GRK5: variants seen among roughly 807,000 people sequenced by gnomAD.
GRK5 encodes g protein-coupled receptor kinase GRK5.
Under a neutral mutation model 78.4 loss-of-function variants are expected in GRK5, and 40 were observed. That is an observed-to-expected ratio of 0.51 (90% confidence interval 0.40 to 0.66). The LOEUF (loss-of-function observed/expected upper bound fraction) is 0.66, where lower values mean the gene tolerates loss of function less well. GRK5 is among the 30% of genes least tolerant of loss of function. GRK5 has a pLI of 0.00. For missense variants in GRK5, 598 were observed against 759.9 expected (o/e 0.79, Z 2.50); for synonymous variants, 289 against 296.8 (o/e 0.97, Z 0.27).
chr10:119,394,294 C>CCGTGTATCTATGTGTGGGTGCG (rs1564916955), intron 3 of GRK5, among the ~76,000 whole-genome samples: 4 of 4,036 alleles, frequency 9.9e-4, no homozygotes, highest in African/African-American at 3.4e-3. Context: ...GGGTGTGTAT[C>CCGTGTATCTATGTGTGGGTGCG]TGTGTGTCTG....
In GRK5 at chr10:119,404,614, A is replaced by C. The variant is rs957094714; in HGVS notation, c.339+7842A>C. On this transcript the variant is annotated intron_variant, in intron 4 of 15. Coordinates refer to ENST00000392870, the MANE Select transcript of GRK5 (RefSeq NM_005308.3). ...AGAAGGCCTCAGTTTTTGAAGGGAAAGGGTGTGTATGGAAACAAAGTAAAG... is the reference window on the plus strand; with the variant it reads ...AGAAGGCCTCAGTTTTTGAAGGGAACGGGTGTGTATGGAAACAAAGTAAAG... Among the ~76,000 whole-genome samples the C allele has an allele frequency of 3.3e-5, 5 of 152,224 alleles. No homozygotes were observed. In the South Asian group the frequency reaches 6.2e-4, roughly 19 times the overall value.
At chr10:119,408,843 G>A (rs1019451369) in intron 4 of GRK5, among the ~76,000 whole-genome samples, 12 of 152,208 alleles carry the variant, frequency 7.9e-5, no homozygotes, top group African/African-American at 2.7e-4. Flanking sequence ...TTGAAATGGT[G>A]AAGTTTATGC....
chr10:119,453,905 G>A (rs1244451957), intron 15 of GRK5, among the ~76,000 whole-genome samples: 1 of 152,170 alleles, frequency 6.6e-6, no homozygotes, highest in Non-Finnish European at 1.5e-5. Flanking sequence ...CTGGCCCTGG[G>A]TAAGGGTTGG....
chr10:119,384,254 A>G (rs1197356715), intron 3 of GRK5, among the ~76,000 whole-genome samples: 1 of 151,662 alleles, frequency 6.6e-6, no homozygotes, highest in Non-Finnish European at 1.5e-5. Context: ...GGCCCTCCCG[A>G]TCTCCCTCTT....
intron 1 of GRK5, among the ~76,000 whole-genome samples, chr10:119,233,715 A>G (rs1343553605): frequency 6.6e-6 from 1 of 152,180 alleles, no homozygotes; most frequent in Non-Finnish European, 1.5e-5. Flanking sequence ...ACAGCAGGCC[A>G]GAGACATGGG....
intron 1 of GRK5, among the ~76,000 whole-genome samples, chr10:119,280,408 C>T (rs529119410): frequency 2.6e-5 from 4 of 152,246 alleles, no homozygotes; most frequent in Admixed American, 6.5e-5. Flanking sequence ...ACGTGAATGT[C>T]GGCTCTCCAG....
chr10:119,333,298 A>T (rs1396786393), intron 2 of GRK5: 1 of 154,184 alleles, frequency 6.5e-6, no homozygotes, highest in African/African-American at 2.4e-5. Context: ...CACCATCCTC[A>T]CCATCTGGAT....
intron 1 of GRK5, among the ~76,000 whole-genome samples, chr10:119,325,500 C>G (rs1047961530): frequency 1.3e-5 from 2 of 152,062 alleles, no homozygotes; most frequent in Non-Finnish European, 2.9e-5. Context: ...AGCAGACGAG[C>G]TACATAAAAT....
In GRK5 at chr10:119,458,902, AAAG is replaced by A. The variant is rs1483932142; in HGVS notation, c.*3836_*3838del. 6.6e-6 allele frequency: 1 copy of A among 152,132 alleles called. No individual in the cohort carries two copies. The highest frequency in any genetic ancestry group is 2.4e-5 in the African/African-American group (1 of 41,414). The allele number at this position is 152,132 out of a possible 1,614,324, so 9.4% of individuals were successfully genotyped here. A position where few individuals can be genotyped will look rare whatever the true frequency, so the allele number is the denominator to read the frequency against. On this transcript the variant is annotated 3_prime_UTR_variant, in exon 16 of 16. Coordinates refer to ENST00000392870, the MANE Select transcript of GRK5 (RefSeq NM_005308.3). Reference sequence around the variant, plus strand: ...TGAGCCTGGCATCCCAGGCCTTGCCAAAGGGGACGGTGGCTTCCTGGATAATTG... The same window carrying A: ...TGAGCCTGGCATCCCAGGCCTTGCCAGGGACGGTGGCTTCCTGGATAATTG...
Position 119,354,205 on chromosome 10 carries a change from A to G in GRK5, c.149-26610A>G, listed in dbSNP as rs796104742. Reference sequence around the variant, plus strand: ...TTGCTACAGTCAAGCAAATTAATACATGCATCACCTCTCATAGTTACCTTT... The same window carrying G: ...TTGCTACAGTCAAGCAAATTAATACGTGCATCACCTCTCATAGTTACCTTT... On this transcript the variant is annotated intron_variant, in intron 2 of 15. Transcript: ENST00000392870. 4.6e-5 allele frequency among the ~76,000 whole-genome samples: 7 copies of G among 151,998 alleles called. 1 individual carries two copies. The highest frequency in any genetic ancestry group is 2.1e-4 in the South Asian group (1 of 4,822).
rs567971242 is a variant in GRK5, at chr10:119,325,424, C to T, written c.53-1092C>T. Among the ~76,000 whole-genome samples the T allele has an allele frequency of 2.0e-5, 3 of 152,214 alleles. No individual in the cohort carries two copies. In the South Asian group the frequency reaches 6.2e-4, roughly 32 times the overall value. On this transcript the variant is annotated intron_variant, in intron 1 of 15. Coordinates refer to ENST00000392870, the MANE Select transcript of GRK5 (RefSeq NM_005308.3). ...TGGGTTGCTGGTGTGCAGAAGGGGC[C>T]TTGTCCTGCCCAGCTGGTTCCTGGG...
chr10:119,428,406 G>A (rs1852745777), intron 6 of GRK5, among the ~76,000 whole-genome samples: 1 of 152,250 alleles, frequency 6.6e-6, no homozygotes, highest in Non-Finnish European at 1.5e-5. Flanking sequence ...GAGACCCCCA[G>A]AGGGGGGCAT....
rs1158379424 is a variant in GRK5 at position 119,269,832 on chromosome 10, T to TAA, written c.53-56662_53-56661dup. Among the ~76,000 whole-genome samples, 921 of 96,056 alleles carry TAA rather than the reference T, an allele frequency of 9.6e-3. 9 individuals carry two copies. The highest frequency in any genetic ancestry group is 0.044 in the Middle Eastern group (8 of 182). The allele number at this position is 96,056 out of a possible 152,430, so 63.0% of individuals were successfully genotyped here. A position where few individuals can be genotyped will look rare whatever the true frequency, so the allele number is the denominator to read the frequency against. ...TGCAAGATGGAGTGAGACTCCATCT[T>TAA]AAAAAAAAAAAAAAAAAAAAAAAGT... On this transcript the variant is annotated intron_variant, in intron 1 of 15. Transcript: ENST00000392870.
chr10:119,273,688 T>A (rs1471393950), intron 1 of GRK5, among the ~76,000 whole-genome samples: 2 of 152,218 alleles, frequency 1.3e-5, no homozygotes, highest in Non-Finnish European at 2.9e-5. Context: ...TAATGGTGTT[T>A]AAGTGGCTGA....
intron 2 of GRK5, among the ~76,000 whole-genome samples, chr10:119,337,095 A>T (rs553933732): frequency 2.4e-4 from 37 of 152,300 alleles, no homozygotes; most frequent in African/African-American, 8.9e-4. Context: ...ACTGCTCTGC[A>T]GGGAGAGTGT....
At chr10:119,441,965 C>T (rs779623037) in intron 10 of GRK5, 34 bp from the exon 11 acceptor site, 1 of 1,579,264 alleles carries the variant, frequency 6.3e-7, no homozygotes, top group South Asian at 1.1e-5. Context: ...ATGCGGCTGT[C>T]CCAGGGACCC....
chr10:119,447,989 C>A, intron 12 of GRK5, 134 bp from the exon 13 acceptor site: 1 of 1,117,164 alleles, frequency 9.0e-7, no homozygotes. Flanking sequence ...CAGAGGCAGC[C>A]CTGAAGCAAG....
At chr10:119,347,534 G>T (rs1475716641) in intron 2 of GRK5, among the ~76,000 whole-genome samples, 2 of 152,260 alleles carry the variant, frequency 1.3e-5, no homozygotes, top group Non-Finnish European at 2.9e-5. Context: ...TGAAGGCAAG[G>T]TGTTGGCTGT....
At chr10:119,226,713 T>A (rs974936186) in intron 1 of GRK5, among the ~76,000 whole-genome samples, 4 of 151,762 alleles carry the variant, frequency 2.6e-5, no homozygotes, top group Admixed American at 2.6e-4. Context: ...CCCGGCTTTT[T>A]TTTTTCTTTT....
Sources: gnomAD v4.1 joint callset for allele counts (sites outside exome capture counted in the v4.1 genomes callset) on GRCh38, gnomAD v4.1.1 for gene constraint, MANE v1.5 for transcripts, NCBI Gene and HGNC (gene_info 2026-07-23, HGNC 2026-07-21) for gene names.